Variants in PEAR1 observed in about 807,000 individuals in gnomAD.
PEAR1 encodes the protein platelet endothelial aggregation receptor 1, also known as multiple EGF-like domains protein 12.
A neutral mutation model predicts 131.2 loss-of-function variants in PEAR1; 113 were observed. The ratio of observed to expected loss-of-function variants is 0.86; its 90% CI spans 0.74 to 1.01. The LOEUF (loss-of-function observed/expected upper bound fraction) is 1.01, where lower values mean the gene tolerates loss of function less well. Among genes scored for constraint, PEAR1 ranks in the 50% least tolerant of loss-of-function variants. PEAR1 has a pLI of 0.00. For synonymous variants in PEAR1, 565 were observed against 523.3 expected, an observed-to-expected ratio of 1.08 and a Z score of -1.09; for missense variants, 1,408 against 1,391.1, an observed-to-expected ratio of 1.01 and a Z score of -0.19.
intron 1 of PEAR1, among the ~76,000 whole-genome samples, chr1:156,900,891 T>C (rs1278390951): frequency 6.6e-6 from 1 of 152,084 alleles, no homozygotes; most frequent in Non-Finnish European, 1.5e-5. Flanking sequence ...CTTGGGTATA[T>C]GCAATGGGCC....
intron 2 of PEAR1, among the ~76,000 whole-genome samples, chr1:156,904,352 G>C (rs1330067745): frequency 6.6e-6 from 1 of 152,144 alleles, no homozygotes; most frequent in Admixed American, 6.6e-5. Flanking sequence ...GCTGGCCCAG[G>C]GGGAGCAAAG....
chr1:156,893,998 G>A (rs1313460848), intron 1 of PEAR1, among the ~76,000 whole-genome samples, 161 bp downstream of exon 1: 2 of 152,238 alleles, frequency 1.3e-5, no homozygotes, highest in East Asian at 1.9e-4. Flanking sequence ...GATGGAGAGA[G>A]ACGTGAAGGA....
At position 156,905,331 on chromosome 1, in the gene PEAR1, T is replaced by A. The variant is rs1255614000; in HGVS notation, c.214T>A (p.Tyr72Asn). The A allele has an allele frequency of 6.2e-7, 1 of 1,611,886 alleles. No individual in the cohort carries two copies. The highest frequency in any genetic ancestry group is 1.1e-5 in the South Asian group (1 of 91,022). ...PHTCPQPTVV[Y>N]RTVYRQVVKT... Reference sequence around the variant, plus strand: ...CCTTCCTGGCCTCCGCAGGGTTGTATACCGGACCGTGTACCGTCAGGTGGT... The same window carrying A: ...CCTTCCTGGCCTCCGCAGGGTTGTAAACCGGACCGTGTACCGTCAGGTGGT... Residue 72 changes from tyrosine to asparagine, a missense_variant, in exon 4 of 23, where the codon TAC (tyrosine) becomes AAC (asparagine). Tyr to Asn is a moderately radical substitution (Grantham distance 143). Coordinates refer to ENST00000292357, the MANE Select transcript of PEAR1 (RefSeq NM_001080471.3).
chr1:156,900,172 C>G (rs1029990692), intron 1 of PEAR1, among the ~76,000 whole-genome samples: 2 of 152,186 alleles, frequency 1.3e-5, no homozygotes, highest in South Asian at 4.1e-4. Flanking sequence ...CTGGGCTGCG[C>G]AGGCGGGACT....
chr1:156,895,075 C>T (rs1379863143), intron 1 of PEAR1, among the ~76,000 whole-genome samples: 1 of 152,214 alleles, frequency 6.6e-6, no homozygotes, highest in Admixed American at 6.5e-5. Flanking sequence ...AAGGCCCACC[C>T]ACCATGTTCC....
intron 3 of PEAR1, 27 bp downstream of exon 3, chr1:156,904,879 G>A (rs764252135): frequency 3.7e-6 from 6 of 1,613,578 alleles, no homozygotes; most frequent in Non-Finnish European, 5.1e-6. Flanking sequence ...CTCCATGGGT[G>A]GATGGGCTAC....
chr1:156,903,863 C>A, intron 1 of PEAR1, 55 bp from the exon 2 acceptor site: 1 of 1,422,780 alleles, frequency 7.0e-7, no homozygotes, highest in Non-Finnish European at 9.9e-7. Flanking sequence ...GCAGACAGGT[C>A]CTCCAGGCTG....
intron 15 of PEAR1, among the ~76,000 whole-genome samples, chr1:156,911,208 C>CT (rs770784492): frequency 2.4e-5 from 2 of 84,684 alleles, no homozygotes; most frequent in African/African-American, 9.7e-5. Context: ...TCTTTTCTTT[C>CT]TTTCTTTCTT....
Position 156,913,436 on chromosome 1 carries a change from G to A in PEAR1, c.2557G>A (p.Gly853Ser), listed in dbSNP as rs773052155. Reference protein sequence around the residue: ...FASLQNPERPGGAQGHDNHTT... With the variant: ...FASLQNPERPSGAQGHDNHTT... ...CAGCCTGCAGAACCCTGAGCGGCCA[G>A]GTGGGGCCCAAGGGCATGATAACCA... Residue 853 changes from glycine (G) to serine (S), a missense_variant, in exon 20 of 23, where the codon GGT (glycine) becomes AGT (serine). Coordinates refer to ENST00000292357, the MANE Select transcript of PEAR1 (RefSeq NM_001080471.3). 13 of 1,613,894 alleles carry A rather than the reference G, an allele frequency of 8.1e-6. No individual in the cohort carries two copies. The highest frequency in any genetic ancestry group is 1.1e-5 in the Non-Finnish European group (13 of 1,180,032).
At chr1:156,904,149 C>G (rs761734018) in intron 2 of PEAR1, 122 bp downstream of exon 2, 17 of 757,780 alleles carry the variant, frequency 2.2e-5, no homozygotes, top group Middle Eastern at 2.3e-4. Context: ...CTAGTCTCTC[C>G]CCTCCCGCCT....
At position 156,914,878 on chromosome 1, in the gene PEAR1, G is replaced by T. The variant is rs1651725053; in HGVS notation, c.*80G>T. The T allele has an allele frequency of 2.0e-6, 3 of 1,504,372 alleles. No homozygotes were observed. The highest frequency in any genetic ancestry group is 3.8e-5 in the Admixed American group (2 of 52,144). 93.2% of individuals were successfully genotyped at this position (1,504,372 alleles called of 1,614,324 possible). ...TGGGGACAGAGCCTAGTGTACCCCT[G>T]CCAGGAGCAGGGAGTGGACCGGCAG... is the stretch of plus-strand genomic sequence containing the variant. On this transcript the variant is annotated 3_prime_UTR_variant, in exon 23 of 23. Coordinates refer to ENST00000292357, the MANE Select transcript of PEAR1 (RefSeq NM_001080471.3).
intron 5 of PEAR1, 55 bp from the exon 6 acceptor site, chr1:156,906,582 G>A (rs560323084): frequency 1.2e-5 from 20 of 1,603,708 alleles, no homozygotes; most frequent in African/African-American, 9.4e-5. Context: ...GAGACGGGGA[G>A]GCTGGGGATG....
chr1:156,895,251 C>T (rs771252530), intron 1 of PEAR1, among the ~76,000 whole-genome samples: 5 of 152,244 alleles, frequency 3.3e-5, no homozygotes, highest in African/African-American at 4.8e-5. Flanking sequence ...AGGAAACTCA[C>T]GCTCCAGGCA....
At position 156,913,711 on chromosome 1, in the gene PEAR1, A is replaced by AAGCTACAGCTAT. The variant is rs781326055; in HGVS notation, c.2674_2685dup (p.Tyr892_Ser895dup). On this transcript the variant is annotated inframe_insertion, in exon 21 of 23. Coordinates refer to ENST00000292357, the MANE Select transcript of PEAR1 (RefSeq NM_001080471.3). ...CCTCAGGGAGCAGCCGCCTGGACCG[A>AAGCTACAGCTAT]AGCTACAGCTATAGCTACAGCAATG... The AAGCTACAGCTAT allele has an allele frequency of 6.2e-7, 1 of 1,614,082 alleles. No individual in the cohort carries two copies. The highest frequency in any genetic ancestry group is 8.5e-7 in the Non-Finnish European group (1 of 1,180,008).
At chr1:156,899,988 C>T (rs575680005) in intron 1 of PEAR1, among the ~76,000 whole-genome samples, 4 of 152,144 alleles carry the variant, frequency 2.6e-5, no homozygotes, top group South Asian at 2.1e-4. Context: ...TAATCCCCCC[C>T]ACCCCTGCTC....
rs959414576 is a variant in PEAR1 at position 156,902,698 on chromosome 1, T to C, written c.-9-1220T>C. Among the ~76,000 whole-genome samples the C allele has an allele frequency of 2.6e-5, 4 of 152,142 alleles. No individual in the cohort carries two copies. The highest frequency in any genetic ancestry group is 3.9e-4 in the East Asian group (2 of 5,184). On this transcript the variant is annotated intron_variant, in intron 1 of 22. Coordinates refer to ENST00000292357, the MANE Select transcript of PEAR1 (RefSeq NM_001080471.3). This position sits in a 1 kb window ranked among gnomAD's most constrained non-coding sequence, Gnocchi z 4.3. ...CCTTTCTCTCGTCTCAGAAAAATTA[T>C]AAGCAGATGTGGGCGCCTCGGGGAG...
chr1:156,908,372 G>C lies in PEAR1; in HGVS notation c.1115+32G>C. On this transcript the variant is annotated intron_variant, in intron 9 of 22. Transcript: ENST00000292357. This position sits in a 1 kb window ranked among gnomAD's most constrained non-coding sequence, Gnocchi z 4.2. Reference sequence around the variant, plus strand: ...CGCGGGACATGTGGTCAAAGGATCAGGAGGCCAATGGGGAGGTCTTCCTGG... The same window carrying C: ...CGCGGGACATGTGGTCAAAGGATCACGAGGCCAATGGGGAGGTCTTCCTGG... The C allele has an allele frequency of 6.8e-7, 1 of 1,471,488 alleles. No individual in the cohort carries two copies. Among genetic ancestry groups the C allele is most frequent in the Non-Finnish European group, 9.0e-7 (1 of 1,109,578 alleles). 91.2% of individuals were successfully genotyped at this position (1,471,488 alleles called of 1,614,324 possible).
At position 156,909,977 on chromosome 1, in the gene PEAR1, GCCTA is replaced by G. The variant is rs747020001; in HGVS notation, c.1576-25_1576-22del. Reference sequence around the variant, plus strand: ...GGGCATGGCGTCCCCCAGCTGACTGGCCTACCTGCTCCCCACTCCTTCTCCAAGA... The same window carrying G: ...GGGCATGGCGTCCCCCAGCTGACTGGCCTGCTCCCCACTCCTTCTCCAAGA... On this transcript the variant is annotated intron_variant, in intron 12 of 22. Transcript: ENST00000292357. 10 of 1,612,874 alleles carry G rather than the reference GCCTA, an allele frequency of 6.2e-6. No homozygotes were observed. In the Admixed American group the frequency reaches 1.5e-4, roughly 24 times the overall value.
In PEAR1 at chr1:156,913,414, C is replaced by G. The variant is rs1223020802; in HGVS notation, c.2535C>G (p.Ser845Arg). 1.2e-6 allele frequency: 2 copies of G among 1,613,932 alleles called. No homozygotes were observed. ...AGGTTCCAGGCCCGCTCTTTGCCAGCCTGCAGAACCCTGAGCGGCCAGGTG... is the reference window on the plus strand; with the variant it reads ...AGGTTCCAGGCCCGCTCTTTGCCAGGCTGCAGAACCCTGAGCGGCCAGGTG... ...PNKVPGPLFA[S>R]LQNPERPGGA... The change falls in exon 20 of 23, where the codon AGC becomes AGG. Residue 845 changes from serine to arginine, a missense_variant. Ser to Arg is a moderately radical substitution (Grantham distance 110, BLOSUM62 -1). Coordinates refer to ENST00000292357, the MANE Select transcript of PEAR1 (RefSeq NM_001080471.3).
Sources: gnomAD v4.1 joint callset for allele counts (sites outside exome capture counted in the v4.1 genomes callset) on GRCh38, gnomAD v4.1.1 for gene constraint, Gnocchi (gnomAD v3.1) non-coding constraint, MANE v1.5 for transcripts, NCBI Gene and HGNC (gene_info 2026-07-23, HGNC 2026-07-21) for gene names.